The following WDR64 variants were observed in gnomAD, a reference collection of about 807,000 sequenced individuals.
WDR64 encodes the protein WD repeat-containing protein 64.
WDR64 carries 112 observed loss-of-function variants against 139.3 expected under a neutral mutation model. The ratio of observed to expected loss-of-function variants is 0.80; its 90% CI spans 0.69 to 0.94. WDR64 has a LOEUF of 0.94. Ranked by LOEUF, WDR64 falls within the 40% of genes least tolerant of loss-of-function variation. The probability of loss-of-function intolerance (pLI) is 0.00; values close to 1 mark genes in which losing one functional copy is unlikely to be tolerated. For missense variants in WDR64, 1,206 were observed against 1,293.1 expected (o/e 0.93, Z 1.03); for synonymous variants, 444 against 437.7 (o/e 1.01, Z -0.18).
intron 10 of WDR64, among the ~76,000 whole-genome samples, chr1:241,734,685 C>G (rs187367536): frequency 6.6e-6 from 1 of 151,928 alleles, no homozygotes; most frequent in Non-Finnish European, 1.5e-5. Flanking sequence ...GTTCTTCCCC[C>G]GAGAGTTATA....
At chr1:241,732,019 TA>T (rs1669099208) in intron 10 of WDR64, among the ~76,000 whole-genome samples, 1 of 152,200 alleles carries the variant, frequency 6.6e-6, no homozygotes, top group Non-Finnish European at 1.5e-5. Flanking sequence ...CATAATCTCA[TA>T]TATCTTCAGG....
At chr1:241,680,204 C>T (rs1007110190) in intron 6 of WDR64, among the ~76,000 whole-genome samples, 4 of 151,974 alleles carry the variant, frequency 2.6e-5, no homozygotes, top group Admixed American at 6.6e-5. Flanking sequence ...CACTGAGCAC[C>T]GAGGTTATTT....
chr1:241,780,451 AT>A (rs1486891507), intron 22 of WDR64, among the ~76,000 whole-genome samples: 1 of 152,056 alleles, frequency 6.6e-6, no homozygotes, highest in Non-Finnish European at 1.5e-5. Context: ...CCATTTAAGA[AT>A]TTTTTTCTTA....
At chr1:241,686,966 T>C (rs1026057058) in intron 7 of WDR64, among the ~76,000 whole-genome samples, 7 of 152,210 alleles carry the variant, frequency 4.6e-5, no homozygotes. Context: ...TGAAGAGTCT[T>C]TTAAAGTTAC....
At chr1:241,686,108 T>C (rs1438268513) in intron 7 of WDR64, among the ~76,000 whole-genome samples, 1 of 152,244 alleles carries the variant, frequency 6.6e-6, no homozygotes, top group Non-Finnish European at 1.5e-5. Context: ...ATCATGCAGA[T>C]GATTTAAATC....
rs1324629038 is a variant in WDR64 at position 241,749,685 on chromosome 1, T to C, written c.1733T>C (p.Leu578Pro). ...CAAGAAAAACACCAGCAGCTGGTCC[T>C]GGCCTTGGAGCGCAACGGGACTATC... is the stretch of plus-strand genomic sequence containing the variant. Reference protein sequence around the residue: ...KAQEKHQQLVLALERNGTIKM... With the variant: ...KAQEKHQQLVPALERNGTIKM... Residue 578 changes from leucine (L) to proline (P), a missense_variant, in exon 14 of 28, where the codon CTG becomes CCG. Transcript: ENST00000437684. 10 of 1,614,138 alleles carry C rather than the reference T, an allele frequency of 6.2e-6. No homozygotes were observed. The highest frequency in any genetic ancestry group is 7.6e-6 in the Non-Finnish European group (9 of 1,180,006).
At chr1:241,725,286 A>G (rs1257352013) in intron 10 of WDR64, among the ~76,000 whole-genome samples, 1 of 152,100 alleles carries the variant, frequency 6.6e-6, no homozygotes, top group Non-Finnish European at 1.5e-5. Context: ...ACTATTGCTT[A>G]TATTGATTTA....
In WDR64 at chr1:241,726,584, TTTGA is replaced by T. The variant is rs148451873; in HGVS notation, c.1194+3151_1194+3154del. On this transcript the variant is annotated intron_variant, in intron 10 of 27. Transcript: ENST00000437684. ...GTAAAATTCAAGAGGAAAAAAAGGC[TTTGA>T]TTAAGTAAATTATGCTGTATCCTCA... 9.2e-3 allele frequency among the ~76,000 whole-genome samples: 1,408 copies of T among 152,256 alleles called. 13 individuals are homozygous for T. The highest frequency in any genetic ancestry group is 0.032 in the African/African-American group (1,349 of 41,556).
Position 241,757,297 on chromosome 1 carries a change from T to C in WDR64, c.1785T>C (p.Asp595=), listed in dbSNP as rs1670230722. The change falls in exon 15 of 28, where the codon GAT becomes GAC. Residue 595 remains aspartate (D), a synonymous_variant. Coordinates refer to ENST00000437684, the MANE Select transcript of WDR64 (RefSeq NM_001367482.1). The part of the protein sequence containing the change: ...TIKMIQGKED[D]IYLMVIWELP... ...TTCTGTTAAAGGGTAAGGAAGATGATATCTACCTCATGGTGATCTGGGAGC... is the reference window on the plus strand; with the variant it reads ...TTCTGTTAAAGGGTAAGGAAGATGACATCTACCTCATGGTGATCTGGGAGC... 3 of 1,613,386 alleles carry C rather than the reference T, an allele frequency of 1.9e-6. No individual in the cohort carries two copies. The highest frequency in any genetic ancestry group is 3.3e-5 in the Admixed American group (2 of 59,876).
Position 241,744,413 on chromosome 1 carries a change from G to A in WDR64, c.1491G>A (p.Gly497=), listed in dbSNP as rs1161153971. 6.2e-7 allele frequency: 1 copy of A among 1,613,916 alleles called. No homozygotes were observed. Among genetic ancestry groups the A allele is most frequent in the Non-Finnish European group, 8.5e-7 (1 of 1,179,990 alleles). Residue 497 remains glycine, a synonymous_variant, in exon 13 of 28, where the codon GGG becomes GGA. Coordinates refer to ENST00000437684, the MANE Select transcript of WDR64 (RefSeq NM_001367482.1). The part of the protein sequence containing the change: ...SIIRVWELET[G]LQVYQILEPH... ...CATAGGTATGGGAACTCGAGACTGG[G>A]CTCCAAGTATACCAGATTTTAGAAC...
chr1:241,710,249 C>A (rs754941661), intron 8 of WDR64, among the ~76,000 whole-genome samples: 47 of 151,972 alleles, frequency 3.1e-4, no homozygotes, highest in Non-Finnish European at 5.9e-4. Context: ...CTTCCTGTTA[C>A]CCCATCTGAT....
chr1:241,686,163 T>A (rs1666995689), intron 7 of WDR64, among the ~76,000 whole-genome samples: 1 of 152,224 alleles, frequency 6.6e-6, no homozygotes, highest in Non-Finnish European at 1.5e-5. Flanking sequence ...TGCGGCATTT[T>A]CTTACACCAA....
At chr1:241,766,472 A>G (rs752769500) in intron 16 of WDR64, 121 bp downstream of exon 16, 1 of 1,139,230 alleles carries the variant, frequency 8.8e-7, no homozygotes, top group South Asian at 1.8e-5. Flanking sequence ...GAACTTTGGG[A>G]GGAGGATCAC....
chr1:241,782,249 C>T (rs1303293960), intron 22 of WDR64, among the ~76,000 whole-genome samples: 1 of 152,202 alleles, frequency 6.6e-6, no homozygotes, highest in African/African-American at 2.4e-5. Flanking sequence ...GATCGCGCCA[C>T]CGCACTGCAG....
At position 241,765,896 on chromosome 1, in the gene WDR64, G is replaced by A. The variant is rs1313276517; in HGVS notation, c.1948-322G>A. On this transcript the variant is annotated intron_variant, in intron 15 of 27. Transcript: ENST00000437684. ...GAAAGAAAAGTTGGTAAGTGGAAAC[G>A]ACGAACGTAGAATATTCTTTCAACA... 1.3e-5 allele frequency among the ~76,000 whole-genome samples: 2 copies of A among 152,148 alleles called. 1 individual carries two copies. The highest frequency in any genetic ancestry group is 3.9e-4 in the East Asian group (2 of 5,194).
Position 241,677,527 on chromosome 1 carries a change from G to T in WDR64, c.484-660G>T, listed in dbSNP as rs77345791. On this transcript the variant is annotated intron_variant, in intron 4 of 27. Transcript: ENST00000437684. ...TGAGCATGTAAAAGAAACAAGGTCA[G>T]TGAAATACTTCAACTACTTGCCTTC... Among the ~76,000 whole-genome samples the T allele has an allele frequency of 9.1e-3, 1,384 of 152,336 alleles. 18 individuals are homozygous for T. The highest frequency in any genetic ancestry group is 0.031 in the African/African-American group (1,301 of 41,582).
intron 10 of WDR64, among the ~76,000 whole-genome samples, chr1:241,727,520 A>C (rs1668891678): frequency 6.6e-6 from 1 of 152,348 alleles, no homozygotes; most frequent in South Asian, 2.1e-4. Flanking sequence ...GGGCCATTAT[A>C]AAGATGAAAG....
chr1:241,675,015 T>C (rs1357195940), intron 4 of WDR64, among the ~76,000 whole-genome samples: 4 of 37,698 alleles, frequency 1.1e-4, no homozygotes, highest in Admixed American at 4.3e-4. Context: ...CTTCCTTCCT[T>C]TCTTCTTCCT....
At chr1:241,706,614 A>G (rs1029585167) in intron 8 of WDR64, among the ~76,000 whole-genome samples, 1 of 152,258 alleles carries the variant, frequency 6.6e-6, no homozygotes, top group African/African-American at 2.4e-5. Context: ...TGATAGAAGG[A>G]TAACTACTTA....
Sources: allele counts gnomAD v4.1 joint callset (sites outside exome capture counted in the v4.1 genomes callset), GRCh38; gene constraint gnomAD v4.1.1; transcripts MANE v1.5; gene names NCBI Gene and HGNC (gene_info 2026-07-23, HGNC 2026-07-21).